The following IRAK1BP1 variants were observed in gnomAD, a reference collection of about 807,000 sequenced individuals.
IRAK1BP1 encodes the protein interleukin-1 receptor-associated kinase 1-binding protein 1.
IRAK1BP1 carries 24 observed loss-of-function variants against 28.0 expected under a neutral mutation model. The observed-to-expected ratio is 0.86, with a 90% CI of 0.62 to 1.20. The LOEUF (loss-of-function observed/expected upper bound fraction) is 1.20, where lower values mean the gene tolerates loss of function less well. Among genes scored for constraint, IRAK1BP1 ranks in the 50% most tolerant of loss-of-function variants. IRAK1BP1 has a pLI of 0.00. For synonymous variants in IRAK1BP1, 131 were observed against 116.3 expected (o/e 1.13, Z -0.81); for missense variants, 336 against 316.7 (o/e 1.06, Z -0.46).
At chr6:78,918,801 G>A (rs938667571) in intron 4 of IRAK1BP1, among the ~76,000 whole-genome samples, 1 of 152,012 alleles carries the variant, frequency 6.6e-6, no homozygotes, top group Non-Finnish European at 1.5e-5. Flanking sequence ...GATCATCAAG[G>A]CGGAAAACTA....
chr6:78,975,576 G>T, the IRAK1BP1 span, among the ~76,000 whole-genome samples: 4 of 152,190 alleles, frequency 2.6e-5, no homozygotes, highest in Admixed American at 6.5e-5. Flanking sequence ...AAAAGAGGAA[G>T]TCAAATTGTC....
intron 4 of IRAK1BP1, among the ~76,000 whole-genome samples, chr6:78,923,029 A>C (rs1174926925): frequency 6.6e-6 from 1 of 152,158 alleles, no homozygotes; most frequent in African/African-American, 2.4e-5. Flanking sequence ...CGAGCAAAAT[A>C]ACCAGCTAAC....
At chr6:78,888,150 C>T (rs1771497152) in intron 2 of IRAK1BP1, among the ~76,000 whole-genome samples, 2 of 151,992 alleles carry the variant, frequency 1.3e-5, no homozygotes, top group Admixed American at 1.3e-4. Context: ...CTAAAATAAT[C>T]ATATCATAGA....
chr6:78,901,669 A>C lies in IRAK1BP1; in HGVS notation c.*3335A>C, dbSNP rs1185587454. ...GTGCTATTAAAAGGAAATGCTATTA[A>C]AATAAGATTTCATATATTACTGATA... On this transcript the variant is annotated 3_prime_UTR_variant, in exon 4 of 4. Transcript: ENST00000369940. 1 of 152,180 alleles carries C rather than the reference A, an allele frequency of 6.6e-6. No individual in the cohort carries two copies. The highest frequency in any genetic ancestry group is 6.5e-5 in the Admixed American group (1 of 15,276). 9.4% of individuals were successfully genotyped at this position (152,180 alleles called of 1,614,324 possible).
chr6:78,978,772 T>A, the IRAK1BP1 span: 1 of 1,331,780 alleles, frequency 7.5e-7, no homozygotes, highest in Non-Finnish European at 1.1e-6. Flanking sequence ...TCCACAAATC[T>A]ACTCTTTAAA....
intron 4 of IRAK1BP1, among the ~76,000 whole-genome samples, chr6:78,917,631 C>T (rs916030407): frequency 2.1e-5 from 1 of 48,176 alleles, no homozygotes. Context: ...AAAGTCAACA[C>T]TAAAAAAAAA....
chr6:78,926,280 TA>T (rs1772888958), intron 4 of IRAK1BP1, among the ~76,000 whole-genome samples: 1 of 152,184 alleles, frequency 6.6e-6, no homozygotes, highest in African/African-American at 2.4e-5. Context: ...CCAAATAACT[TA>T]AAACAGATCT....
intron 1 of IRAK1BP1, among the ~76,000 whole-genome samples, chr6:78,878,273 C>T (rs1771086180): frequency 6.6e-6 from 1 of 152,154 alleles, no homozygotes; most frequent in Non-Finnish European, 1.5e-5. Context: ...TCATACGTCT[C>T]AGAGGGTGTC....
At chr6:78,875,929 T>G (rs112690408) in intron 1 of IRAK1BP1, among the ~76,000 whole-genome samples, 1 of 152,204 alleles carries the variant, frequency 6.6e-6, no homozygotes, top group Non-Finnish European at 1.5e-5. Flanking sequence ...AAAAGACTGT[T>G]TAAAGTTTTA....
the IRAK1BP1 span, among the ~76,000 whole-genome samples, chr6:78,972,041 C>A: frequency 1.3e-5 from 2 of 152,118 alleles, no homozygotes; most frequent in Non-Finnish European, 2.9e-5. Flanking sequence ...TCAAGGAGGC[C>A]TGCCTGCCTC....
chr6:78,909,328 A>G (rs1327365274), intron 4 of IRAK1BP1, among the ~76,000 whole-genome samples: 1 of 152,206 alleles, frequency 6.6e-6, no homozygotes, highest in East Asian at 1.9e-4. Context: ...GTTTATCCAG[A>G]CATAATCTCA....
chr6:78,867,887 T>A lies in IRAK1BP1; in HGVS notation c.311T>A (p.Val104Glu), dbSNP rs1381261293. ...YITQSLQQQG[V>E]QAENITVTKD... ...ACGCAGAGCCTCCAGCAGCAGGGCGTGCAGGTGAGATCTCCGCGGGGGAGG... is the reference window on the plus strand; with the variant it reads ...ACGCAGAGCCTCCAGCAGCAGGGCGAGCAGGTGAGATCTCCGCGGGGGAGG... The change falls in exon 1 of 4, where the codon GTG (valine) becomes GAG (glutamate). Residue 104 changes from valine to glutamate, a missense_variant. Physicochemically the swap from Val to Glu is moderately radical, Grantham distance 121. Transcript: ENST00000369940. 6 of 1,586,394 alleles carry A rather than the reference T, an allele frequency of 3.8e-6. No individual in the cohort carries two copies. The South Asian group carries it at 6.8e-5, about 18-fold the overall frequency.
chr6:78,879,548 C>A (rs746011966), intron 1 of IRAK1BP1, among the ~76,000 whole-genome samples: 1 of 152,144 alleles, frequency 6.6e-6, no homozygotes, highest in Non-Finnish European at 1.5e-5. Flanking sequence ...TCACCTCACA[C>A]CTTATACAAA....
chr6:78,939,851 T>A (rs1433589876), intron 4 of IRAK1BP1: 1 of 152,460 alleles, frequency 6.6e-6, no homozygotes, highest in East Asian at 1.9e-4. Context: ...AAAAGATATA[T>A]CTCAGCATAA....
intron 1 of IRAK1BP1, 78 bp downstream of exon 1, chr6:78,867,969 C>A (rs188400110): frequency 1.4e-6 from 2 of 1,412,098 alleles, no homozygotes; most frequent in African/African-American, 2.9e-5. Flanking sequence ...CACAGGCCCC[C>A]CTAGCGGGAA....
intron 4 of IRAK1BP1, among the ~76,000 whole-genome samples, chr6:78,933,882 C>G (rs1278037871): frequency 6.6e-6 from 1 of 152,098 alleles, no homozygotes; most frequent in African/African-American, 2.4e-5. Flanking sequence ...TCCTTAACTT[C>G]CTTCAATGAC....
chr6:78,868,101 C>A (rs1770654694), intron 1 of IRAK1BP1, among the ~76,000 whole-genome samples: 1 of 152,136 alleles, frequency 6.6e-6, no homozygotes, highest in South Asian at 2.1e-4. Context: ...AATTATTGGC[C>A]TCAGGCAAAT....
chr6:78,955,055 A>T, the IRAK1BP1 span: 1 of 970,740 alleles, frequency 1.0e-6, no homozygotes, highest in Non-Finnish European at 1.5e-6. Context: ...TGGGTAATAT[A>T]CAATAATTCA....
intron 4 of IRAK1BP1, among the ~76,000 whole-genome samples, chr6:78,921,398 G>A (rs1263921657): frequency 6.6e-6 from 1 of 152,228 alleles, no homozygotes; most frequent in Non-Finnish European, 1.5e-5. Context: ...TCATTGCCAA[G>A]GCTTCAATAG....
Sources: gnomAD v4.1 joint callset for allele counts (sites outside exome capture counted in the v4.1 genomes callset) on GRCh38, gnomAD v4.1.1 for gene constraint, MANE v1.5 for transcripts, NCBI Gene and HGNC (gene_info 2026-07-23, HGNC 2026-07-21) for gene names.